HYDIN: variants seen among roughly 807,000 people sequenced by gnomAD.
HYDIN encodes axonemal central pair apparatus protein HYDIN.
A neutral mutation model predicts 403.9 loss-of-function variants in HYDIN; 132 were observed. The ratio of observed to expected loss-of-function variants is 0.33; its 90% CI spans 0.28 to 0.38. HYDIN has a LOEUF of 0.38. Among genes scored for constraint, HYDIN ranks in the 10% least tolerant of loss-of-function variants. The pLI is 1.00. For synonymous variants in HYDIN, 1,202 were observed against 1,891.7 expected (o/e 0.64, Z 9.46); for missense variants, 2,827 against 5,009.5 (o/e 0.56, Z 13.15).
intron 13 of HYDIN, among the ~76,000 whole-genome samples, chr16:71,071,069 A>G (rs2082453614): frequency 6.7e-6 from 1 of 150,222 alleles, no homozygotes; most frequent in African/African-American, 2.4e-5. Context: ...CTTACCAAAT[A>G]ATGACTCTGG....
chr16:70,882,023 G>C (rs1355397518), intron 60 of HYDIN, among the ~76,000 whole-genome samples: 7 of 152,372 alleles, frequency 4.6e-5, no homozygotes, highest in Admixed American at 3.9e-4. Flanking sequence ...TTCGAGCCTG[G>C]CAGCCCCCTG....
rs1376929214 is a variant in HYDIN, at chr16:70,964,711, C to T, written c.5788+17G>A. ...GGCAATGGTTAGCATGAGGTGTTCT[C>T]CACATTGAGTTCTCACCATTCTCCT... On this transcript the variant is annotated intron_variant, in intron 37 of 85. Coordinates refer to ENST00000393567, the MANE Select transcript of HYDIN (RefSeq NM_001270974.2). The T allele has an allele frequency of 2.0e-5, 32 of 1,612,464 alleles. No individual in the cohort carries two copies. The highest frequency in any genetic ancestry group is 2.5e-5 in the Non-Finnish European group (30 of 1,178,740).
chr16:71,164,785 AAAACAGCTTCAGCC>A (rs1362024386), intron 5 of HYDIN, among the ~76,000 whole-genome samples: 1 of 116,182 alleles, frequency 8.6e-6, no homozygotes, highest in Non-Finnish European at 1.7e-5. Flanking sequence ...GAATGGAGGC[AAAACAGCTTCAGCC>A]CAAAGGGGGA....
rs1324728406 is a variant in HYDIN at position 70,805,337 on chromosome 16, G to A, written c.*2243C>T. Among the ~76,000 whole-genome samples the A allele has an allele frequency of 3.3e-5, 5 of 152,212 alleles. No individual in the cohort carries two copies. The highest frequency in any genetic ancestry group is 5.9e-5 in the Non-Finnish European group (4 of 68,034). On this transcript the variant is annotated 3_prime_UTR_variant, in exon 86 of 86. Coordinates refer to ENST00000393567, the MANE Select transcript of HYDIN (RefSeq NM_001270974.2). ...TCTGATTCAACAAGTCTAGGGTGGG[G>A]CCTGAGGGCCTGCCTTTCTAACAAA...
At position 70,808,164 on chromosome 16, in the gene HYDIN, A is replaced by G. The variant is rs904807215; in HGVS notation, c.14884-102T>C. 70 of 1,329,762 alleles carry G rather than the reference A, an allele frequency of 5.3e-5. No individual in the cohort carries two copies. In the Admixed American group the frequency reaches 1.6e-3, roughly 30 times the overall value. 82.4% of individuals were successfully genotyped at this position (1,329,762 alleles called of 1,614,324 possible). A position where few individuals can be genotyped will look rare whatever the true frequency, so the allele number is the denominator to read the frequency against. On this transcript the variant is annotated intron_variant, in intron 85 of 85. Coordinates refer to ENST00000393567, the MANE Select transcript of HYDIN (RefSeq NM_001270974.2). ...CTCCACTCCTGGACATCAAGCAACT[A>G]TGTCTGTGTGAGACTGGGAATGTTA...
chr16:71,173,272 C>G (rs1395686821), intron 5 of HYDIN, among the ~76,000 whole-genome samples: 1 of 152,166 alleles, frequency 6.6e-6, no homozygotes, highest in Non-Finnish European at 1.5e-5. Flanking sequence ...TTAGAAGTAA[C>G]AGTATAACAA....
chr16:71,206,649 G>A (rs1235766934), intron 1 of HYDIN, among the ~76,000 whole-genome samples: 1 of 152,122 alleles, frequency 6.6e-6, no homozygotes, highest in African/African-American at 2.4e-5. Flanking sequence ...GGAGAATGTT[G>A]AAACCCAATC....
In HYDIN at chr16:71,087,872, G is replaced by A. The variant is rs12597808; in HGVS notation, c.1670+429C>T. On this transcript the variant is annotated intron_variant, in intron 12 of 85. Coordinates refer to ENST00000393567, the MANE Select transcript of HYDIN (RefSeq NM_001270974.2). ...GAGCAACGTGTTTACAATGCTTGGAGACATAATAGTGAGATCATGTAAGTA... is the reference window on the plus strand; with the variant it reads ...GAGCAACGTGTTTACAATGCTTGGAAACATAATAGTGAGATCATGTAAGTA... The A allele has an allele frequency of 1.0e-4, 16 of 153,076 alleles. No individual in the cohort carries two copies. In the East Asian group the frequency reaches 1.2e-3, roughly 12 times the overall value. 9.5% of individuals were successfully genotyped at this position (153,076 alleles called of 1,614,324 possible). A position where few individuals can be genotyped will look rare whatever the true frequency, so the allele number is the denominator to read the frequency against.
At chr16:71,208,736 C>A (rs903064344) in intron 1 of HYDIN, among the ~76,000 whole-genome samples, 1 of 152,042 alleles carries the variant, frequency 6.6e-6, no homozygotes, top group East Asian at 1.9e-4. Flanking sequence ...ACCACTGACC[C>A]CACAGAAATA....
chr16:70,940,582 T>A (rs541655190), intron 43 of HYDIN, among the ~76,000 whole-genome samples: 1 of 151,742 alleles, frequency 6.6e-6, no homozygotes, highest in African/African-American at 2.4e-5. Context: ...TGAAGATAAG[T>A]GGGAAAAGGA....
rs1055205441 is a variant in HYDIN, at chr16:70,858,014, G to A, written c.12130-144C>T. On this transcript the variant is annotated intron_variant, in intron 71 of 85. Coordinates refer to ENST00000393567, the MANE Select transcript of HYDIN (RefSeq NM_001270974.2). ...CTTTCTATAGTCCATGTAAGGGCAT[G>A]TAGGTGTGGCTGTACCAGAAATGTC... The A allele has an allele frequency of 3.1e-6, 4 of 1,270,210 alleles. No individual in the cohort carries two copies. The African/African-American group carries it at 6.0e-5, about 19-fold the overall frequency. The allele number at this position is 1,270,210 out of a possible 1,614,324, so 78.7% of individuals were successfully genotyped here. A position where few individuals can be genotyped will look rare whatever the true frequency, so the allele number is the denominator to read the frequency against.
chr16:71,139,998 GA>G (rs1203489039), intron 7 of HYDIN, among the ~76,000 whole-genome samples: 2 of 151,688 alleles, frequency 1.3e-5, no homozygotes, highest in African/African-American at 4.8e-5. Context: ...GCAGCCTGAG[GA>G]AAAAAACATT....
At position 71,062,342 on chromosome 16, in the gene HYDIN, G is replaced by C; in HGVS notation, c.2212-9C>G. 1 of 1,597,554 alleles carries C rather than the reference G, an allele frequency of 6.3e-7. No homozygotes were observed. Among genetic ancestry groups the C allele is most frequent in the East Asian group, 2.3e-5 (1 of 44,338 alleles). On this transcript the variant is annotated splice_polypyrimidine_tract_variant and intron_variant, in intron 16 of 85. Transcript: ENST00000393567. ...GGCACCTCCTCACACACCTGGGGGA[G>C]AGAAAACCAGAGGGGTAAGGACAGC...
Position 70,807,508 on chromosome 16 carries a change from T to A in HYDIN, c.*72A>T. On this transcript the variant is annotated 3_prime_UTR_variant, in exon 86 of 86. Transcript: ENST00000393567. Reference sequence around the variant, plus strand: ...AAAAACAGTTCCTTTAGAATTCTTATTGTTTTCTCTATTCTTTTTCAGGCT... The same window carrying A: ...AAAAACAGTTCCTTTAGAATTCTTAATGTTTTCTCTATTCTTTTTCAGGCT... The A allele has an allele frequency of 6.8e-7, 1 of 1,470,888 alleles. No individual in the cohort carries two copies. The highest frequency in any genetic ancestry group is 9.2e-7 in the Non-Finnish European group (1 of 1,092,670). The allele number at this position is 1,470,888 out of a possible 1,614,324, so 91.1% of individuals were successfully genotyped here. A position where few individuals can be genotyped will look rare whatever the true frequency, so the allele number is the denominator to read the frequency against.
chr16:70,931,906 T>C (rs1167908640), intron 45 of HYDIN, among the ~76,000 whole-genome samples: 1 of 143,928 alleles, frequency 6.9e-6, no homozygotes, highest in Non-Finnish European at 1.5e-5. Context: ...TCCCAGCTAC[T>C]TGGGAAGCTG....
At chr16:71,185,710 T>C (rs916408350) in intron 2 of HYDIN, among the ~76,000 whole-genome samples, 4 of 152,150 alleles carry the variant, frequency 2.6e-5, no homozygotes, top group Non-Finnish European at 5.9e-5. Flanking sequence ...AACAAGGGAT[T>C]AGTTACCCAG....
At chr16:71,070,203 C>G (rs751822820) in intron 13 of HYDIN, among the ~76,000 whole-genome samples, 26 of 152,300 alleles carry the variant, frequency 1.7e-4, no homozygotes, top group South Asian at 4.1e-4. Context: ...GTGGACCTTT[C>G]TTGCTTGGCA....
chr16:71,005,455 G>A (rs2079864261), intron 23 of HYDIN, among the ~76,000 whole-genome samples: 1 of 152,056 alleles, frequency 6.6e-6, no homozygotes, highest in Admixed American at 6.6e-5. Flanking sequence ...CTGTCTACAA[G>A]TCAGGAGGAT....
chr16:71,020,219 G>T lies in HYDIN; in HGVS notation c.3285C>A (p.Phe1095Leu). The T allele has an allele frequency of 6.2e-7, 1 of 1,613,788 alleles. No individual in the cohort carries two copies. The highest frequency in any genetic ancestry group is 8.5e-7 in the Non-Finnish European group (1 of 1,179,918). The part of the protein sequence containing the change: ...VNLLLSTSGP[F>L]FICETDKSLL... Reference sequence around the variant, plus strand: ...GGGATTTATCAGTCTCACATATAAAGAAGGGTCCAGATGTTGACAGCAACA... The same window carrying T: ...GGGATTTATCAGTCTCACATATAAATAAGGGTCCAGATGTTGACAGCAACA... The change falls in exon 22 of 86, where the codon TTC becomes TTA. Residue 1095 changes from phenylalanine (F) to leucine (L), a missense_variant. Phe to Leu is a conservative substitution (Grantham distance 22, BLOSUM62 0). Transcript: ENST00000393567.
Sources: gnomAD v4.1 joint callset for allele counts (sites outside exome capture counted in the v4.1 genomes callset) on GRCh38, gnomAD v4.1.1 for gene constraint, MANE v1.5 for transcripts, NCBI Gene and HGNC (gene_info 2026-07-23, HGNC 2026-07-21) for gene names.